MUC4: variants seen among roughly 807,000 people sequenced by gnomAD.
MUC4 encodes the protein mucin 4, cell surface associated.
Under a neutral mutation model 257.9 loss-of-function variants are expected in MUC4, and 202 were observed. The observed-to-expected ratio is 0.78, with a 90% CI of 0.70 to 0.88. The LOEUF (loss-of-function observed/expected upper bound fraction) is 0.88, where lower values mean the gene tolerates loss of function less well. Among genes scored for constraint, MUC4 ranks in the 40% least tolerant of loss-of-function variants. The pLI is 0.00. For missense variants in MUC4, 5,976 were observed against 6,513.7 expected, an observed-to-expected ratio of 0.92 and a Z score of 2.84; for synonymous variants, 2,351 against 2,757.1, an observed-to-expected ratio of 0.85 and a Z score of 4.62.
At chr3:195,753,607 G>A in intron 19 of MUC4, 2 of 316,182 alleles carry the variant, frequency 6.3e-6, no homozygotes, top group Non-Finnish European at 1.2e-5. Context: ...CGGCTCTGAA[G>A]GCACAGTGAT....
Position 195,791,055 on chromosome 3 carries a change from C to T in MUC4, c.525G>A (p.Gln175=). 1 of 1,613,610 alleles carries T rather than the reference C, an allele frequency of 6.2e-7. No individual in the cohort carries two copies. The highest frequency in any genetic ancestry group is 1.1e-5 in the South Asian group (1 of 91,056). ...VTSAVSITAG[Q]EGQSRTTSWR... is the part of the protein sequence containing the mutation. ...AGGAAGTTGTTCGTGATTGTCCTTC[C>T]TGTCCAGCTGTTATTGAGACTGCTG... is the stretch of plus-strand genomic sequence containing the variant. The change falls in exon 2 of 25, where the codon CAG becomes CAA. Residue 175 remains glutamine (Q), a synonymous_variant. Coordinates refer to ENST00000463781, the MANE Select transcript of MUC4 (RefSeq NM_018406.7).
chr3:195,778,329 G>A lies in MUC4; in HGVS notation c.12917C>T (p.Ala4306Val), dbSNP rs1467898886. Residue 4306 changes from alanine to valine, a missense_variant, in exon 3 of 25, where the codon GCC becomes GTC. Around this residue, in one of 44 missense-constraint regions of MUC4, gnomAD observed 233 missense variants for 171.2 expected, o/e 1.36. Transcript: ENST00000463781. ...STAMHTRSTAAPIPILPERGV... is the reference protein window; with the variant it reads ...STAMHTRSTAVPIPILPERGV... ...TCTCTCAGGCAGGATGGGGATGGGG[G>A]CAGCTGTGGAGCGGGTGTGCATGGC... 4 of 1,612,042 alleles carry A rather than the reference G, an allele frequency of 2.5e-6. No individual in the cohort carries two copies. In the Admixed American group the frequency reaches 5.0e-5, roughly 20 times the overall value.
chr3:195,777,075 TCATACCTTCCACACC>T (rs1560288026), intron 3 of MUC4, among the ~76,000 whole-genome samples: 1 of 6,742 alleles, frequency 1.5e-4, no homozygotes. Flanking sequence ...CCTTCCACAG[TCATACCTTCCACACC>T]CATACCTTCC....
In MUC4 at chr3:195,761,468, C is replaced by G. The variant is rs531736330; in HGVS notation, c.14614+16G>C. On this transcript the variant is annotated intron_variant, in intron 15 of 24. Transcript: ENST00000463781. ...CCTCACCTGCCCCTCTGCCCCAGGA[C>G]CCTGCCCAGACTCACAGGTCATTCC... The G allele has an allele frequency of 1.4e-5, 23 of 1,605,150 alleles. No individual in the cohort carries two copies. The highest frequency in any genetic ancestry group is 3.3e-4 in the Middle Eastern group (2 of 6,052).
chr3:195,759,264 G>A lies in MUC4; in HGVS notation c.14849-3C>T, dbSNP rs1010263267. The stretch of plus-strand genomic sequence containing the variant: ...ATTGATGGAGGGCGGGTACTGATCT[G>A]AAACACAAAGAGGGAATGGGGGTTC... On this transcript the variant is annotated splice_region_variant and splice_polypyrimidine_tract_variant and intron_variant, in intron 16 of 24. Transcript: ENST00000463781. The A allele has an allele frequency of 8.7e-6, 14 of 1,613,638 alleles. No homozygotes were observed. The highest frequency in any genetic ancestry group is 1.3e-5 in the African/African-American group (1 of 74,912).
At position 195,778,345 on chromosome 3, in the gene MUC4, T is replaced by A. The variant is rs1725487420; in HGVS notation, c.12901A>T (p.Thr4301Ser). 1.2e-6 allele frequency: 2 copies of A among 1,612,420 alleles called. No homozygotes were observed. Among genetic ancestry groups the A allele is most frequent in the Non-Finnish European group, 1.7e-6 (2 of 1,179,754 alleles). ...GGGATGGGGGCAGCTGTGGAGCGGG[T>A]GTGCATGGCAGTGCTGGGAATGGTG... ...ISTIPSTAMH[T>S]RSTAAPIPIL... Residue 4301 changes from threonine to serine, a missense_variant, in exon 3 of 25, where the codon ACC (threonine) becomes TCC (serine). Physicochemically the swap from Thr to Ser is moderately conservative, Grantham distance 58. Around this residue, in one of 44 missense-constraint regions of MUC4, gnomAD observed 233 missense variants for 171.2 expected, o/e 1.36. Coordinates refer to ENST00000463781, the MANE Select transcript of MUC4 (RefSeq NM_018406.7).
intron 24 of MUC4, among the ~76,000 whole-genome samples, chr3:195,748,133 G>A (rs138032885): frequency 7.7e-3 from 1,167 of 152,012 alleles, no homozygotes; most frequent in African/African-American, 0.027. Flanking sequence ...AACCAGCGGA[G>A]CCCCGGGGAC....
Position 195,764,986 on chromosome 3 carries a change from G to A in MUC4, c.13924+11C>T. ...CCGGGAAGGTGGGGTTGAGATCACGGACTCACGCACCCAACTGCCAAGGAC... is the reference window on the plus strand; with the variant it reads ...CCGGGAAGGTGGGGTTGAGATCACGAACTCACGCACCCAACTGCCAAGGAC... On this transcript the variant is annotated intron_variant, in intron 10 of 24. Coordinates refer to ENST00000463781, the MANE Select transcript of MUC4 (RefSeq NM_018406.7). The A allele has an allele frequency of 6.2e-7, 1 of 1,612,818 alleles. No homozygotes were observed. The highest frequency in any genetic ancestry group is 8.5e-7 in the Non-Finnish European group (1 of 1,179,328).
At position 195,790,442 on chromosome 3, in the gene MUC4, G is replaced by A; in HGVS notation, c.1138C>T (p.Pro380Ser). Residue 380 changes from proline to serine, a missense_variant, in exon 2 of 25, where the codon CCT (proline) becomes TCT (serine). Pro to Ser is a moderately conservative substitution (Grantham distance 74). This residue lies in a region of MUC4 where 1,583 missense variants were observed against 1,257.4 expected (regional missense o/e 1.26). Transcript: ENST00000463781. ...AGGAATGTATTGCTGACACTGGAAG[G>A]GGATGAGGTGGTTGTTTCACCAGAA... ...FPSGETTTSSPSSVSNTFLVT... is the reference protein window; with the variant it reads ...FPSGETTTSSSSSVSNTFLVT... 4 of 1,613,860 alleles carry A rather than the reference G, an allele frequency of 2.5e-6. No homozygotes were observed. The highest frequency in any genetic ancestry group is 2.2e-5 in the East Asian group (1 of 44,884).
At position 195,764,049 on chromosome 3, in the gene MUC4, C is replaced by G. The variant is rs763994041; in HGVS notation, c.14040G>C (p.Gln4680His). ...HVGCATYRPP[Q>H]PAWMFGDPHI... ...GGCCTGGGCCCTGTCGCTCACCGGG[C>G]TGTGGGGGCCTGTATGTAGCACAGC... Residue 4680 changes from glutamine to histidine, a missense_variant, in exon 11 of 25, where the codon CAG becomes CAC. Gln to His is a conservative substitution (Grantham distance 24). This residue lies in a region of MUC4 where 996 missense variants were observed against 1,137.3 expected (regional missense o/e 0.88). Coordinates refer to ENST00000463781, the MANE Select transcript of MUC4 (RefSeq NM_018406.7). The G allele has an allele frequency of 1.8e-5, 29 of 1,609,268 alleles. 1 individual carries two copies. The highest frequency in any genetic ancestry group is 5.0e-5 in the Admixed American group (3 of 59,664).
At position 195,771,676 on chromosome 3, in the gene MUC4, A is replaced by G. The variant is rs767989868; in HGVS notation, c.13218T>C (p.Thr4406=). The G allele has an allele frequency of 9.3e-6, 15 of 1,613,770 alleles. No homozygotes were observed. Among genetic ancestry groups the G allele is most frequent in the Non-Finnish European group, 1.1e-5 (13 of 1,179,838 alleles). ...APFWDDADFS[T]GRGTTFYQEY... is the part of the protein sequence containing the mutation. Reference sequence around the variant, plus strand: ...CCTGATAAAATGTGGTCCCCCGACCAGTGGAGAAGTCAGCATCGTCCCAGA... The same window carrying G: ...CCTGATAAAATGTGGTCCCCCGACCGGTGGAGAAGTCAGCATCGTCCCAGA... The change falls in exon 5 of 25, where the codon ACT becomes ACC. Residue 4406 remains threonine, a synonymous_variant. Coordinates refer to ENST00000463781, the MANE Select transcript of MUC4 (RefSeq NM_018406.7).
At chr3:195,753,007 C>A (rs1560221612) in intron 20 of MUC4, 44 bp downstream of exon 20, 1 of 1,547,394 alleles carries the variant, frequency 6.5e-7, no homozygotes, top group Non-Finnish European at 8.8e-7. Flanking sequence ...AGGGTGGGGC[C>A]CAGGAAGAGT....
In MUC4 at chr3:195,778,333, C is replaced by G. The variant is rs976195057; in HGVS notation, c.12913G>C (p.Ala4305Pro). The G allele has an allele frequency of 3.1e-6, 5 of 1,612,176 alleles. No homozygotes were observed. In the Admixed American group the frequency reaches 8.3e-5, roughly 27 times the overall value. The change falls in exon 3 of 25, where the codon GCT becomes CCT. Residue 4305 changes from alanine to proline, a missense_variant. This residue lies in a region of MUC4 where 233 missense variants were observed against 171.2 expected (regional missense o/e 1.36). Transcript: ENST00000463781. Reference sequence around the variant, plus strand: ...TCAGGCAGGATGGGGATGGGGGCAGCTGTGGAGCGGGTGTGCATGGCAGTG... The same window carrying G: ...TCAGGCAGGATGGGGATGGGGGCAGGTGTGGAGCGGGTGTGCATGGCAGTG... ...PSTAMHTRSTAAPIPILPERG... is the reference protein window; with the variant it reads ...PSTAMHTRSTPAPIPILPERG...
At position 195,788,792 on chromosome 3, in the gene MUC4, C is replaced by T. The variant is rs373318989; in HGVS notation, c.2788G>A (p.Asp930Asn). Residue 930 changes from aspartate (D) to asparagine (N), a missense_variant, in exon 2 of 25, where the codon GAC becomes AAC. Asp to Asn is a conservative substitution (Grantham distance 23, BLOSUM62 1). Coordinates refer to ENST00000463781, the MANE Select transcript of MUC4 (RefSeq NM_018406.7). Reference protein sequence around the residue: ...DTISLASQATDTFSTVPPTPP... With the variant: ...DTISLASQATNTFSTVPPTPP... The stretch of plus-strand genomic sequence containing the variant: ...GTGGGTGGGACTGTTGAGAAGGTGT[C>T]GGTTGCCTGGGACGCCAGGCTGATA... The T allele has an allele frequency of 8.7e-6, 14 of 1,613,728 alleles. No individual in the cohort carries two copies. Among genetic ancestry groups the T allele is most frequent in the South Asian group, 7.7e-5 (7 of 91,080 alleles).
At position 195,785,800 on chromosome 3, in the gene MUC4, G is replaced by C; in HGVS notation, c.5780C>G (p.Ser1927Cys). ...CGTGGTGTCACCTGTGGATGCTGAG[G>C]AAAGGCTGGTGACAGGAAGAGAGGT... ...HATSLPVTSL[S>C]SASTGDTTPL... is the part of the protein sequence containing the mutation. The change falls in exon 2 of 25, where the codon TCC becomes TGC. Residue 1927 changes from serine (S) to cysteine (C), a missense_variant. Transcript: ENST00000463781. The C allele has an allele frequency of 1.3e-6, 2 of 1,505,908 alleles. No individual in the cohort carries two copies. The highest frequency in any genetic ancestry group is 1.8e-6 in the Non-Finnish European group (2 of 1,117,664). The allele number at this position is 1,505,908 out of a possible 1,614,324, so 93.3% of individuals were successfully genotyped here.
Position 195,787,128 on chromosome 3 carries a change from A to T in MUC4, c.4452T>A (p.Gly1484=), listed in dbSNP as rs1732521318. 8.7e-7 allele frequency: 1 copy of T among 1,155,614 alleles called. No individual in the cohort carries two copies. Among genetic ancestry groups the T allele is most frequent in the South Asian group, 1.4e-5 (1 of 71,304 alleles). 71.6% of individuals were successfully genotyped at this position (1,155,614 alleles called of 1,614,324 possible). Residue 1484 remains glycine (G), a synonymous_variant, in exon 2 of 25, where the codon GGT becomes GGA. Coordinates refer to ENST00000463781, the MANE Select transcript of MUC4 (RefSeq NM_018406.7). ...TAGTGACAGGAAGAGGCGTGGTGTC[A>T]CCTGTGGATACTGAGGAAGTGTCGG... ...LVTDTSSVST[G]DTTPLPVTST... is the part of the protein sequence containing the mutation.
At chr3:195,764,901 G>A (rs1334837095) in intron 10 of MUC4, 96 bp downstream of exon 10, 2 of 1,510,974 alleles carry the variant, frequency 1.3e-6, no homozygotes, top group Non-Finnish European at 1.8e-6. Context: ...GGCCCAGAGA[G>A]GGGAAGGGTC....
At position 195,780,519 on chromosome 3, in the gene MUC4, G is replaced by C; in HGVS notation, c.11061C>G (p.Ser3687=). 9.6e-7 allele frequency: 1 copy of C among 1,040,206 alleles called. No homozygotes were observed. The highest frequency in any genetic ancestry group is 1.2e-6 in the Non-Finnish European group (1 of 832,002). 64.4% of individuals were successfully genotyped at this position (1,040,206 alleles called of 1,614,324 possible). A position where few individuals can be genotyped will look rare whatever the true frequency, so the allele number is the denominator to read the frequency against. ...DTTRLPVTDT[S]SASTGQATPL... ...GGGTGGCCTGACCTGTGGATGCTGA[G>C]GAAGTGTCCGTGACAGGAAGACGGG... The change falls in exon 2 of 25, where the codon TCC becomes TCG. Residue 3687 remains serine, a synonymous_variant. Transcript: ENST00000463781.
chr3:195,786,485 C>T lies in MUC4; in HGVS notation c.5095G>A (p.Val1699Ile), dbSNP rs1731975775. Reference sequence around the variant, plus strand: ...GTGGATGCCGAGGAAACGTCGGTGACAGGAAGACGGGTGGTGTCATCTGTG... The same window carrying T: ...GTGGATGCCGAGGAAACGTCGGTGATAGGAAGACGGGTGGTGTCATCTGTG... ...ATTDDTTRLPVTDVSSASTGQ... is the reference protein window; with the variant it reads ...ATTDDTTRLPITDVSSASTGQ... Residue 1699 changes from valine to isoleucine, a missense_variant, in exon 2 of 25, where the codon GTC (valine) becomes ATC (isoleucine). By Grantham distance (29) the Val-to-Ile change is conservative. Transcript: ENST00000463781. 2 of 1,525,512 alleles carry T rather than the reference C, an allele frequency of 1.3e-6. No individual in the cohort carries two copies. The highest frequency in any genetic ancestry group is 1.8e-6 in the Non-Finnish European group (2 of 1,132,044). 94.5% of individuals were successfully genotyped at this position (1,525,512 alleles called of 1,614,324 possible).
Sources: allele counts gnomAD v4.1 joint callset (sites outside exome capture counted in the v4.1 genomes callset), GRCh38; gene constraint gnomAD v4.1.1; regional missense constraint gnomAD v4.1.1; transcripts MANE v1.5; gene names NCBI Gene and HGNC (gene_info 2026-07-23, HGNC 2026-07-21).